Variants in CACNA1E observed in about 807,000 individuals in gnomAD.
The protein encoded by CACNA1E is voltage-dependent R-type calcium channel subunit alpha-1E.
Under a neutral mutation model 259.2 loss-of-function variants are expected in CACNA1E, and 40 were observed. The ratio of observed to expected loss-of-function variants is 0.15; its 90% CI spans 0.12 to 0.20. The LOEUF (loss-of-function observed/expected upper bound fraction) is 0.20, where lower values mean the gene tolerates loss of function less well. Among genes scored for constraint, CACNA1E ranks in the 10% least tolerant of loss-of-function variants. The pLI is 1.00. For missense variants in CACNA1E, 1,874 were observed against 3,040.1 expected, an observed-to-expected ratio of 0.62 and a Z score of 9.02; for synonymous variants, 1,104 against 1,138.5, an observed-to-expected ratio of 0.97 and a Z score of 0.61.
chr1:181,339,806 GCA>G (rs1652009097), intron 1 of CACNA1E, among the ~76,000 whole-genome samples: 2 of 151,938 alleles, frequency 1.3e-5, no homozygotes, highest in Admixed American at 1.3e-4. Context: ...TATATCCTTT[GCA>G]CAGTTTCCTA....
intron 1 of CACNA1E, among the ~76,000 whole-genome samples, chr1:181,365,999 G>T (rs1415063647): frequency 6.6e-6 from 1 of 152,148 alleles, no homozygotes; most frequent in Non-Finnish European, 1.5e-5. Flanking sequence ...GGGACCAAAG[G>T]CCTGCCAGAG....
At chr1:181,423,630 C>G (rs1042108119) in intron 2 of CACNA1E, among the ~76,000 whole-genome samples, 2 of 149,088 alleles carry the variant, frequency 1.3e-5, no homozygotes, top group Non-Finnish European at 3.0e-5. Context: ...AACCTTGAAG[C>G]TTTATGGGTG....
chr1:181,363,235 G>A (rs1654020922), intron 1 of CACNA1E, among the ~76,000 whole-genome samples: 1 of 152,140 alleles, frequency 6.6e-6, no homozygotes, highest in Admixed American at 6.5e-5. Flanking sequence ...AGTAGATATG[G>A]GAAAACTATT....
At position 181,699,954 on chromosome 1, in the gene CACNA1E, A is replaced by C. The variant is rs149855178; in HGVS notation, c.1056-11000A>C. ...TCCAAGTAGCTGATGTCAAGTTGACAGTTACATAACTGGGTTTCAAGCTCA... is the reference window on the plus strand; with the variant it reads ...TCCAAGTAGCTGATGTCAAGTTGACCGTTACATAACTGGGTTTCAAGCTCA... On this transcript the variant is annotated intron_variant, in intron 7 of 47. Coordinates refer to ENST00000367573, the MANE Select transcript of CACNA1E (RefSeq NM_001205293.3). 3.2e-3 allele frequency among the ~76,000 whole-genome samples: 486 copies of C among 152,286 alleles called. 4 individuals are homozygous for C. The highest frequency in any genetic ancestry group is 0.011 in the African/African-American group (467 of 41,568).
chr1:181,793,591 G>A, intron 44 of CACNA1E, 74 bp from the exon 45 acceptor site: 3 of 1,524,668 alleles, frequency 2.0e-6, no homozygotes, highest in Non-Finnish European at 2.7e-6. Context: ...TGAGGAGGCT[G>A]AATTGTCCAC....
intron 3 of CACNA1E, among the ~76,000 whole-genome samples, chr1:181,544,883 A>G (rs919459001): frequency 7.2e-5 from 11 of 152,176 alleles, no homozygotes; most frequent in African/African-American, 2.7e-4. Flanking sequence ...TGTTTTGGTC[A>G]TTGTGGTTGG....
intron 7 of CACNA1E, among the ~76,000 whole-genome samples, chr1:181,661,233 G>C (rs970593182): frequency 1.3e-5 from 2 of 152,132 alleles, no homozygotes; most frequent in African/African-American, 4.8e-5. Context: ...ATAAGGAGAT[G>C]GCTAGATTTG....
rs145246634 is a variant in CACNA1E, at chr1:181,561,840, G to A, written c.513-15926G>A. Among the ~76,000 whole-genome samples the A allele has an allele frequency of 1.6e-3, 248 of 152,230 alleles. 3 individuals carry two copies. The highest frequency in any genetic ancestry group is 5.8e-3 in the African/African-American group (239 of 41,534). On this transcript the variant is annotated intron_variant, in intron 3 of 47. Transcript: ENST00000367573. Reference sequence around the variant, plus strand: ...AATGGGTGTATTATTTTGCATTCCCGTCAGCAATATATGAGAGTTACAGTT... The same window carrying A: ...AATGGGTGTATTATTTTGCATTCCCATCAGCAATATATGAGAGTTACAGTT...
intron 3 of CACNA1E, among the ~76,000 whole-genome samples, chr1:181,535,727 G>C (rs901315552): frequency 5.9e-5 from 8 of 135,508 alleles, no homozygotes; most frequent in Non-Finnish European, 9.4e-5. Context: ...TCTCTCTGTT[G>C]CCCAGGCTGG....
chr1:181,612,863 A>G (rs1250700052), intron 6 of CACNA1E, among the ~76,000 whole-genome samples: 1 of 152,176 alleles, frequency 6.6e-6, no homozygotes, highest in Non-Finnish European at 1.5e-5. Flanking sequence ...TTTATTTTCT[A>G]GAAGTTTTAT....
At chr1:181,449,457 C>T (rs1281459562) in intron 2 of CACNA1E, among the ~76,000 whole-genome samples, 2 of 152,234 alleles carry the variant, frequency 1.3e-5, no homozygotes, top group Non-Finnish European at 2.9e-5. Flanking sequence ...CAGCACACCA[C>T]AATTCTGTCT....
rs145323450 is a variant in CACNA1E at position 181,466,998 on chromosome 1, G to A, written c.435-16746G>A. 1.2e-3 allele frequency among the ~76,000 whole-genome samples: 176 copies of A among 152,334 alleles called. 1 individual carries two copies. The highest frequency in any genetic ancestry group is 4.1e-3 in the African/African-American group (170 of 41,578). On this transcript the variant is annotated intron_variant, in intron 2 of 11. Transcript: ENST00000524607. ...ACAGCACAGGGGAAGATTTGAGGAAGGAAGTGGGTGAGAAACAGCAGTGCA... is the reference window on the plus strand; with the variant it reads ...ACAGCACAGGGGAAGATTTGAGGAAAGAAGTGGGTGAGAAACAGCAGTGCA...
At chr1:181,488,958 A>G (rs776955180) in intron 1 of CACNA1E, among the ~76,000 whole-genome samples, 18 of 152,224 alleles carry the variant, frequency 1.2e-4, no homozygotes, top group Non-Finnish European at 2.5e-4. Context: ...GTTTCTTTCA[A>G]TCTTCATATT....
chr1:181,746,270 G>A (rs2102632251), intron 25 of CACNA1E, among the ~76,000 whole-genome samples: 1 of 152,318 alleles, frequency 6.6e-6, no homozygotes, highest in African/African-American at 2.4e-5. Flanking sequence ...CAGTGCAAAA[G>A]GGGAAACTTC....
intron 34 of CACNA1E, 75 bp from the exon 35 acceptor site, chr1:181,766,471 T>C: frequency 9.9e-7 from 1 of 1,010,046 alleles, no homozygotes; most frequent in East Asian, 2.4e-5. Flanking sequence ...GATCCTGTAC[T>C]GCCGGTGACT....
rs1307424037 is a variant in CACNA1E at position 181,801,489 on chromosome 1, C to G, written c.*2655C>G. ...AGTGAATTTCTTTTATTCACCTTCCCTTGACCAAGAAATTGGGTTTCTTTT... is the reference window on the plus strand; with the variant it reads ...AGTGAATTTCTTTTATTCACCTTCCGTTGACCAAGAAATTGGGTTTCTTTT... On this transcript the variant is annotated 3_prime_UTR_variant, in exon 48 of 48. Transcript: ENST00000367573. 1.3e-5 allele frequency: 2 copies of G among 152,192 alleles called. No individual in the cohort carries two copies. The highest frequency in any genetic ancestry group is 4.8e-5 in the African/African-American group (2 of 41,438). The allele number at this position is 152,192 out of a possible 1,614,324, so 9.4% of individuals were successfully genotyped here. A position where few individuals can be genotyped will look rare whatever the true frequency, so the allele number is the denominator to read the frequency against.
At position 181,513,714 on chromosome 1, in the gene CACNA1E, G is replaced by A. The variant is rs1412618026; in HGVS notation, c.512+2204G>A. On this transcript the variant is annotated intron_variant, in intron 3 of 47. Coordinates refer to ENST00000367573, the MANE Select transcript of CACNA1E (RefSeq NM_001205293.3). ...GGGTTGCTACATGGTTGTTGAAGAA[G>A]CAGATTCATAGGGACCCATAGGGTT... Among the ~76,000 whole-genome samples, 3 of 152,154 alleles carry A rather than the reference G, an allele frequency of 2.0e-5. No homozygotes were observed. In the South Asian group the frequency reaches 6.2e-4, roughly 32 times the overall value.
chr1:181,748,435 C>A (rs188840336), intron 25 of CACNA1E, among the ~76,000 whole-genome samples: 35 of 152,178 alleles, frequency 2.3e-4, no homozygotes, highest in African/African-American at 8.2e-4. Context: ...GTGGGAGGAG[C>A]AGGAAATATT....
At chr1:181,327,365 G>A (rs191453775) in intron 1 of CACNA1E, among the ~76,000 whole-genome samples, 109 of 152,290 alleles carry the variant, frequency 7.2e-4, no homozygotes, top group South Asian at 4.8e-3. Flanking sequence ...GGGAGTTGAC[G>A]GAAGGCAGTA....
Sources: allele counts gnomAD v4.1 joint callset (sites outside exome capture counted in the v4.1 genomes callset), GRCh38; gene constraint gnomAD v4.1.1; transcripts MANE v1.5; gene names NCBI Gene and HGNC (gene_info 2026-07-23, HGNC 2026-07-21).